NEDD4: variants seen among roughly 807,000 people sequenced by gnomAD.
The protein encoded by NEDD4 is NEDD4 E3 ubiquitin protein ligase.
NEDD4 carries 99 observed loss-of-function variants against 144.9 expected under a neutral mutation model. The observed-to-expected ratio is 0.68, with a 90% CI of 0.58 to 0.81. The LOEUF is 0.81. Among genes scored for constraint, NEDD4 ranks in the 30% least tolerant of loss-of-function variants. The probability of loss-of-function intolerance (pLI) is 0.00; values close to 1 mark genes in which losing one functional copy is unlikely to be tolerated. For synonymous variants in NEDD4, 318 were observed against 350.6 expected (o/e 0.91, Z 1.04); for missense variants, 985 against 1,065.9 (o/e 0.92, Z 1.06).
At chr15:55,955,599 G>A (rs537258134) in intron 2 of NEDD4, among the ~76,000 whole-genome samples, 36 of 152,028 alleles carry the variant, frequency 2.4e-4, no homozygotes, top group Admixed American at 5.9e-4. Context: ...TTCAGTTAGT[G>A]TAATATCCTA....
chr15:55,831,951 A>G (rs35040841), intron 27 of NEDD4, among the ~76,000 whole-genome samples: 60,792 of 152,022 alleles, frequency 0.4, 12,388 homozygotes, highest in South Asian at 0.48. Flanking sequence ...ATATGAATCA[A>G]TATGAGAAAA....
At chr15:55,942,717 A>G (rs1433306575) in intron 4 of NEDD4, among the ~76,000 whole-genome samples, 2 of 152,228 alleles carry the variant, frequency 1.3e-5, no homozygotes, top group East Asian at 3.9e-4. Context: ...ACAAACTAAT[A>G]CAGAAAATTG....
At chr15:55,868,420 G>C (rs2034659164) in intron 8 of NEDD4, among the ~76,000 whole-genome samples, 1 of 152,182 alleles carries the variant, frequency 6.6e-6, no homozygotes, top group African/African-American at 2.4e-5. Flanking sequence ...TTGAATTGTA[G>C]CTTCTATAAT....
chr15:55,956,227 GAT>G (rs2142311789), intron 2 of NEDD4, among the ~76,000 whole-genome samples: 1 of 152,260 alleles, frequency 6.6e-6, no homozygotes, highest in African/African-American at 2.4e-5. Flanking sequence ...GTTGTTTCCA[GAT>G]ATATGTCTAA....
intron 4 of NEDD4, among the ~76,000 whole-genome samples, chr15:55,943,142 T>A (rs1455917782): frequency 3.3e-5 from 5 of 152,230 alleles, no homozygotes; most frequent in Admixed American, 2.6e-4. Flanking sequence ...TATGCTTATA[T>A]GCATTCACAG....
At chr15:55,839,440 T>C (rs1335777624) in intron 21 of NEDD4, among the ~76,000 whole-genome samples, 1 of 152,158 alleles carries the variant, frequency 6.6e-6, no homozygotes, top group Non-Finnish European at 1.5e-5. Flanking sequence ...CTCAAGTAAC[T>C]GTGCAATCTT....
rs1007277579 is a variant in NEDD4 at position 55,829,120 on chromosome 15, C to T, written c.*777G>A. 1 of 152,510 alleles carries T rather than the reference C, an allele frequency of 6.6e-6. No homozygotes were observed. The highest frequency in any genetic ancestry group is 6.6e-5 in the Admixed American group (1 of 15,260). The allele number at this position is 152,510 out of a possible 1,614,324, so 9.4% of individuals were successfully genotyped here. On this transcript the variant is annotated 3_prime_UTR_variant, in exon 29 of 29. Coordinates refer to ENST00000435532, the MANE Select transcript of NEDD4 (RefSeq NM_006154.4). ...ACACTAAAATATGAAAAAGTGATGA[C>T]TATACCAATGGTCAATAGGATATGC...
chr15:55,858,841 GGGCCATAT>G (rs2034294856), intron 11 of NEDD4, among the ~76,000 whole-genome samples: 1 of 152,196 alleles, frequency 6.6e-6, no homozygotes, highest in African/African-American at 2.4e-5. Context: ...TACTGGCTGT[GGGCCATAT>G]GGTTGCTGCT....
intron 1 of NEDD4, among the ~76,000 whole-genome samples, chr15:55,993,248 A>G (rs2038016634): frequency 6.6e-6 from 1 of 152,164 alleles, no homozygotes; most frequent in Non-Finnish European, 1.5e-5. Context: ...TTCCTGAAGG[A>G]AACTGACAAG....
At chr15:55,924,312 C>T (rs551581880) in intron 5 of NEDD4, 19 of 220,392 alleles carry the variant, frequency 8.6e-5, no homozygotes, top group Non-Finnish European at 1.7e-4. Flanking sequence ...GGAAGATTCC[C>T]AGAGCCATGG....
At chr15:55,942,803 G>A (rs2037031983) in intron 4 of NEDD4, among the ~76,000 whole-genome samples, 1 of 152,210 alleles carries the variant, frequency 6.6e-6, no homozygotes, top group Non-Finnish European at 1.5e-5. Context: ...AATGGACAGA[G>A]GTTGAAACAG....
intron 5 of NEDD4, among the ~76,000 whole-genome samples, chr15:55,892,400 C>T (rs966049582): frequency 5.0e-4 from 76 of 151,866 alleles, no homozygotes; most frequent in African/African-American, 1.8e-3. Context: ...ATAATTTCTT[C>T]ACAGCCAGAG....
chr15:55,977,504 T>C (rs2037725776), intron 1 of NEDD4, among the ~76,000 whole-genome samples: 1 of 148,550 alleles, frequency 6.7e-6, no homozygotes, highest in Non-Finnish European at 1.5e-5. Flanking sequence ...AATATTCTAC[T>C]AATTCTAAAA....
intron 5 of NEDD4, among the ~76,000 whole-genome samples, chr15:55,920,229 AT>A (rs1315814719): frequency 5.3e-5 from 8 of 151,358 alleles, no homozygotes; most frequent in African/African-American, 1.9e-4. Context: ...CATATATAAA[AT>A]ATATGAAAAA....
At chr15:55,929,345 T>A (rs2036736308) in intron 4 of NEDD4, among the ~76,000 whole-genome samples, 1 of 152,100 alleles carries the variant, frequency 6.6e-6, no homozygotes. Flanking sequence ...TTTAAAAAAA[T>A]TTATTTTAGT....
chr15:55,969,127 G>A (rs2037566492), intron 1 of NEDD4, among the ~76,000 whole-genome samples: 8 of 152,148 alleles, frequency 5.3e-5, no homozygotes, highest in Admixed American at 5.2e-4. Flanking sequence ...TGCCTTTGCG[G>A]GACGAAGGGC....
chr15:55,984,154 CAGA>C (rs1190629204), intron 1 of NEDD4, among the ~76,000 whole-genome samples: 9 of 152,130 alleles, frequency 5.9e-5, no homozygotes, highest in African/African-American at 9.7e-5. Flanking sequence ...CAAGAAAAGA[CAGA>C]AGATGTGGAA....
At chr15:55,922,006 G>A (rs1039117425) in intron 5 of NEDD4, among the ~76,000 whole-genome samples, 4 of 152,160 alleles carry the variant, frequency 2.6e-5, no homozygotes, top group Admixed American at 6.5e-5. Context: ...TCAATGATCA[G>A]GCAAAATTCA....
rs59736982 is a variant in NEDD4 at position 55,852,690 on chromosome 15, A to AATAT, written c.1027-151_1027-148dup. 652 of 184,100 alleles carry AATAT rather than the reference A, an allele frequency of 3.5e-3. 8 individuals carry two copies. Among genetic ancestry groups the AATAT allele is most frequent in the African/African-American group, 0.014 (507 of 35,414 alleles). 11.4% of individuals were successfully genotyped at this position (184,100 alleles called of 1,614,324 possible). The stretch of plus-strand genomic sequence containing the variant: ...TTACTACAGTTTTGCCTTTTCTAGA[A>AATAT]ATATATATATATATATATATATATA... On this transcript the variant is annotated intron_variant, in intron 12 of 28. Transcript: ENST00000435532.
Sources: allele counts gnomAD v4.1 joint callset (sites outside exome capture counted in the v4.1 genomes callset), GRCh38; gene constraint gnomAD v4.1.1; transcripts MANE v1.5; gene names NCBI Gene and HGNC (gene_info 2026-07-23, HGNC 2026-07-21).